PDIA3: variants seen among roughly 807,000 people sequenced by gnomAD.
PDIA3 encodes the protein protein disulfide-isomerase A3.
Under a neutral mutation model 56.9 loss-of-function variants are expected in PDIA3, and 16 were observed. The observed-to-expected ratio is 0.28, with a 90% confidence interval of 0.19 to 0.43. PDIA3 has a LOEUF of 0.43. Among genes scored for constraint, PDIA3 ranks in the 20% least tolerant of loss-of-function variants. The pLI is 1.00. For synonymous variants in PDIA3, 192 were observed against 216.5 expected, an observed-to-expected ratio of 0.89 and a Z score of 0.99; for missense variants, 485 against 621.3, an observed-to-expected ratio of 0.78 and a Z score of 2.33.
intron 1 of PDIA3, among the ~76,000 whole-genome samples, chr15:43,748,929 C>T (rs759727811): frequency 4.6e-5 from 7 of 151,566 alleles, no homozygotes; most frequent in Non-Finnish European, 7.4e-5. Flanking sequence ...CCACAATGCC[C>T]AGCTAATTTT....
chr15:43,766,684 C>T (rs1370989885), intron 7 of PDIA3, 44 bp from the exon 8 acceptor site: 3 of 1,540,244 alleles, frequency 1.9e-6, no homozygotes, highest in Non-Finnish European at 2.7e-6. Flanking sequence ...AAGTGCTTGA[C>T]CACCCTGTAT....
At chr15:43,769,489 C>G in intron 9 of PDIA3, 29 bp from the exon 10 acceptor site, 1 of 1,604,590 alleles carries the variant, frequency 6.2e-7, no homozygotes, top group Non-Finnish European at 8.5e-7. Context: ...TTTTATGTTA[C>G]CAACTAGAGA....
At chr15:43,748,994 C>G (rs1439277079) in intron 1 of PDIA3, among the ~76,000 whole-genome samples, 1 of 152,072 alleles carries the variant, frequency 6.6e-6, no homozygotes, top group Admixed American at 6.6e-5. Flanking sequence ...TGGTCTCGAA[C>G]TCCTGACTTC....
At chr15:43,763,343 C>T (rs2086829033) in intron 5 of PDIA3, 137 bp downstream of exon 5, 1 of 942,906 alleles carries the variant, frequency 1.1e-6, no homozygotes, top group Non-Finnish European at 1.6e-6. Context: ...GCCTCCACCT[C>T]CCAGGTTCAA....
chr15:43,757,100 C>G (rs2086782994), intron 3 of PDIA3, among the ~76,000 whole-genome samples: 1 of 152,282 alleles, frequency 6.6e-6, no homozygotes, highest in South Asian at 2.1e-4. Flanking sequence ...GTGAAGCTTA[C>G]ATTCTGGGGG....
chr15:43,756,256 A>G (rs1476442062), intron 2 of PDIA3, among the ~76,000 whole-genome samples: 2 of 152,194 alleles, frequency 1.3e-5, no homozygotes, highest in African/African-American at 4.8e-5. Context: ...CACCTAAAGG[A>G]TATGTACCAC....
intron 3 of PDIA3, 24 bp from the exon 4 acceptor site, chr15:43,761,400 A>C: frequency 1.6e-6 from 2 of 1,285,926 alleles, no homozygotes; most frequent in Non-Finnish European, 2.2e-6. Flanking sequence ...TTGTGTTGTC[A>C]TAACTTTTAT....
intron 3 of PDIA3, among the ~76,000 whole-genome samples, chr15:43,761,221 G>A (rs535646489): frequency 4.3e-5 from 6 of 139,310 alleles, no homozygotes; most frequent in African/African-American, 1.3e-4. Flanking sequence ...CAGCCTGGGC[G>A]ACAGAGCGAG....
chr15:43,761,859 C>T (rs1355082568), intron 4 of PDIA3, among the ~76,000 whole-genome samples: 5 of 152,084 alleles, frequency 3.3e-5, no homozygotes, highest in Non-Finnish European at 5.9e-5. Flanking sequence ...GGAATATCTT[C>T]AGCGTTTTCT....
chr15:43,760,893 A>G lies in PDIA3; in HGVS notation c.365-531A>G, dbSNP rs534314977. 7.9e-5 allele frequency among the ~76,000 whole-genome samples: 12 copies of G among 151,930 alleles called. No individual in the cohort carries two copies. The South Asian group carries it at 2.3e-3, about 29-fold the overall frequency. On this transcript the variant is annotated intron_variant, in intron 3 of 12. Transcript: ENST00000300289. Reference sequence around the variant, plus strand: ...ACTGTAATAAAAGGTTGAGGTAGCTATGTATATATAATTGCCTGTTTATGC... The same window carrying G: ...ACTGTAATAAAAGGTTGAGGTAGCTGTGTATATATAATTGCCTGTTTATGC...
At chr15:43,751,150 A>AT (rs1182351952) in intron 1 of PDIA3, among the ~76,000 whole-genome samples, 2 of 37,960 alleles carry the variant, frequency 5.3e-5, no homozygotes, top group South Asian at 1.3e-3. Flanking sequence ...AAAAAAAAAT[A>AT]ATATATGTGC....
chr15:43,765,665 A>G (rs956624972), intron 6 of PDIA3, 99 bp downstream of exon 6: 19 of 898,796 alleles, frequency 2.1e-5, no homozygotes, highest in Non-Finnish European at 3.4e-5. Context: ...TAAACAGTCT[A>G]TTTGGGGGGA....
At chr15:43,757,342 A>G (rs2086784846) in intron 3 of PDIA3, among the ~76,000 whole-genome samples, 1 of 151,934 alleles carries the variant, frequency 6.6e-6, no homozygotes, top group Admixed American at 6.6e-5. Flanking sequence ...GTGGATCACG[A>G]GGTCAGGAGA....
rs1428679967 is a variant in PDIA3 at position 43,772,051 on chromosome 15, G to A, written c.*833G>A. ...GGAATTGCTGACACTGCTGGGTGCA[G>A]TTCTATCCCCTAAAGCCTAGGGTGT... On this transcript the variant is annotated 3_prime_UTR_variant, in exon 13 of 13. Coordinates refer to ENST00000300289, the MANE Select transcript of PDIA3 (RefSeq NM_005313.5). The A allele has an allele frequency of 1.3e-5, 2 of 157,534 alleles. No individual in the cohort carries two copies. The highest frequency in any genetic ancestry group is 2.8e-5 in the Non-Finnish European group (2 of 71,782). The allele number at this position is 157,534 out of a possible 1,614,324, so 9.8% of individuals were successfully genotyped here. A position where few individuals can be genotyped will look rare whatever the true frequency, so the allele number is the denominator to read the frequency against.
chr15:43,764,687 C>G (rs1302572475), intron 5 of PDIA3, among the ~76,000 whole-genome samples: 1 of 152,124 alleles, frequency 6.6e-6, no homozygotes, highest in Non-Finnish European at 1.5e-5. Context: ...AGTCTGGTCT[C>G]AAACTCCTGA....
In PDIA3 at chr15:43,773,055, T is replaced by G. The variant is rs1389504603; in HGVS notation, c.*1837T>G. 4 of 1,449,298 alleles carry G rather than the reference T, an allele frequency of 2.8e-6. No individual in the cohort carries two copies. Among genetic ancestry groups the G allele is most frequent in the Non-Finnish European group, 2.8e-6 (3 of 1,066,794 alleles). The allele number at this position is 1,449,298 out of a possible 1,614,324, so 89.8% of individuals were successfully genotyped here. ...GCAGATAGTTGCATTCTATTTAGTT[T>G]ATAGCTGCTTTGTTCCTTTGTGTTT... On this transcript the variant is annotated 3_prime_UTR_variant, in exon 13 of 13. Transcript: ENST00000300289.
rs902580208 is a variant in PDIA3, at chr15:43,770,672, TTTAA to T, written c.1404+96_1404+99del. On this transcript the variant is annotated intron_variant, in intron 12 of 12. Coordinates refer to ENST00000300289, the MANE Select transcript of PDIA3 (RefSeq NM_005313.5). ...TTCTTTAATTGGGTTTATTTATTTA[TTTAA>T]TTATTTTTTGAGACGGAGTTTCGCT... is the stretch of plus-strand genomic sequence containing the variant. 300 of 894,298 alleles carry T rather than the reference TTTAA, an allele frequency of 3.4e-4. 1 individual carries two copies. Among genetic ancestry groups the T allele is most frequent in the Middle Eastern group, 4.8e-4 (2 of 4,184 alleles). The allele number at this position is 894,298 out of a possible 1,614,324, so 55.4% of individuals were successfully genotyped here.
rs61742242 is a variant in PDIA3 at position 43,768,491 on chromosome 15, G to C, written c.1031G>C (p.Arg344Pro). Residue 344 changes from arginine (R) to proline (P), a missense_variant and splice_region_variant, in exon 9 of 13, where the codon CGT (arginine) becomes CCT (proline). Arg to Pro is a moderately radical substitution (Grantham distance 103, BLOSUM62 -2). Transcript: ENST00000300289. ...EKFVMQEEFSRDGKALERFLQ... is the reference protein window; with the variant it reads ...EKFVMQEEFSPDGKALERFLQ... ...TTACCCTTGTTTTCCAATTGTAGGCGTGATGGGAAGGCTCTGGAGAGGTTC... is the reference window on the plus strand; with the variant it reads ...TTACCCTTGTTTTCCAATTGTAGGCCTGATGGGAAGGCTCTGGAGAGGTTC... 1 of 1,610,242 alleles carries C rather than the reference G, an allele frequency of 6.2e-7. No homozygotes were observed. The highest frequency in any genetic ancestry group is 1.7e-5 in the Admixed American group (1 of 59,956).
chr15:43,768,267 A>C (rs1193990695), intron 8 of PDIA3, among the ~76,000 whole-genome samples: 1 of 152,188 alleles, frequency 6.6e-6, no homozygotes, highest in African/African-American at 2.4e-5. Flanking sequence ...CAGAAGACCA[A>C]TGATTCTCCT....
Sources: allele counts gnomAD v4.1 joint callset (sites outside exome capture counted in the v4.1 genomes callset), GRCh38; gene constraint gnomAD v4.1.1; transcripts MANE v1.5; gene names NCBI Gene and HGNC (gene_info 2026-07-23, HGNC 2026-07-21).